The following CDC16 variants were observed in gnomAD, a reference collection of about 807,000 sequenced individuals.
CDC16 encodes the protein cell division cycle protein 16 homolog.
A neutral mutation model predicts 87.0 loss-of-function variants in CDC16; 34 were observed. The ratio of observed to expected loss-of-function variants is 0.39; its 90% CI spans 0.30 to 0.52. CDC16 has a LOEUF of 0.52. CDC16 is among the 20% of genes least tolerant of loss of function. The pLI, the probability that CDC16 is intolerant of heterozygous loss-of-function variation, is 0.74. For synonymous variants in CDC16, 263 were observed against 260.6 expected, an observed-to-expected ratio of 1.01 and a Z score of -0.09; for missense variants, 653 against 751.9, an observed-to-expected ratio of 0.87 and a Z score of 1.54.
At chr13:114,254,228 T>G (rs1429450851) in intron 12 of CDC16, among the ~76,000 whole-genome samples, 1 of 152,248 alleles carries the variant, frequency 6.6e-6, no homozygotes, top group Non-Finnish European at 1.5e-5. Context: ...TAGATCCATT[T>G]ATGTTTAATT....
chr13:114,239,527 C>G (rs375951937), intron 5 of CDC16, 37 bp downstream of exon 5: 2 of 1,482,862 alleles, frequency 1.3e-6, no homozygotes, highest in East Asian at 2.3e-5. Flanking sequence ...GTAACGGCGG[C>G]GAGAATTGCC....
chr13:114,243,191 A>T, intron 6 of CDC16, 66 bp from the exon 7 acceptor site: 1 of 770,986 alleles, frequency 1.3e-6, no homozygotes. Flanking sequence ...TCATATTTTT[A>T]GTTGTTGGCT....
rs767723335 is a variant in CDC16 at position 114,257,166 on chromosome 13, A to G, written c.1186A>G (p.Ser396Gly). The G allele has an allele frequency of 4.3e-6, 7 of 1,613,506 alleles. No homozygotes were observed. Among genetic ancestry groups the G allele is most frequent in the Admixed American group, 1.7e-5 (1 of 59,976 alleles). ...LAERFFSQALSIAPEDPFVMH... is the reference protein window; with the variant it reads ...LAERFFSQALGIAPEDPFVMH... ...TGAAAGGTTCTTCAGCCAAGCTCTG[A>G]GCATTGCACCGGAAGACCCTTTTGT... The change falls in exon 13 of 18, where the codon AGC becomes GGC. Residue 396 changes from serine to glycine, a missense_variant. Coordinates refer to ENST00000356221, the MANE Select transcript of CDC16 (RefSeq NM_001078645.3).
intron 13 of CDC16, among the ~76,000 whole-genome samples, chr13:114,258,678 A>G (rs2082654703): frequency 6.6e-6 from 1 of 152,202 alleles, no homozygotes; most frequent in African/African-American, 2.4e-5. Flanking sequence ...AACACACATA[A>G]AACAAGGTTA....
chr13:114,236,309 C>G (rs1211549978), intron 1 of CDC16, among the ~76,000 whole-genome samples: 1 of 152,198 alleles, frequency 6.6e-6, no homozygotes, highest in East Asian at 1.9e-4. Context: ...TTATATAAAT[C>G]ACACATGAAT....
chr13:114,237,161 T>C (rs765009415), intron 3 of CDC16, among the ~76,000 whole-genome samples: 11 of 151,510 alleles, frequency 7.3e-5, no homozygotes, highest in Non-Finnish European at 1.5e-4. Context: ...GAGGTGGAGG[T>C]TGCAGTGAGC....
chr13:114,249,566 A>ATGT (rs1168822929), intron 11 of CDC16, among the ~76,000 whole-genome samples: 1 of 152,142 alleles, frequency 6.6e-6, no homozygotes, highest in Non-Finnish European at 1.5e-5. Context: ...GTTTTGTGAT[A>ATGT]TGTTCTCTTT....
chr13:114,255,604 C>A (rs995243703), intron 12 of CDC16, among the ~76,000 whole-genome samples: 1 of 151,330 alleles, frequency 6.6e-6, no homozygotes, highest in Non-Finnish European at 1.5e-5. Context: ...AAAAAAAAAA[C>A]CTGAAATCCC....
At chr13:114,243,178 G>C (rs2081646657) in intron 6 of CDC16, 79 bp from the exon 7 acceptor site, 1 of 743,982 alleles carries the variant, frequency 1.3e-6, no homozygotes, top group African/African-American at 1.8e-5. Context: ...AAGAACTGTA[G>C]AATCATATTT....
intron 3 of CDC16, 83 bp from the exon 4 acceptor site, chr13:114,238,907 C>G: frequency 6.8e-7 from 1 of 1,473,502 alleles, no homozygotes; most frequent in Non-Finnish European, 9.1e-7. Flanking sequence ...GAAATTAGTT[C>G]TATTTTATGC....
chr13:114,237,037 C>T, intron 3 of CDC16, 141 bp downstream of exon 3: 1 of 500,280 alleles, frequency 2.0e-6, no homozygotes, highest in South Asian at 3.6e-5. Context: ...AGCTCAAGAC[C>T]AAGATGGTGA....
intron 14 of CDC16, among the ~76,000 whole-genome samples, chr13:114,260,198 T>A (rs2082752170): frequency 6.6e-6 from 1 of 152,210 alleles, no homozygotes; most frequent in Non-Finnish European, 1.5e-5. Flanking sequence ...CAGCTTTGCC[T>A]CCCTGCCAAG....
chr13:114,255,703 C>T (rs748678177), intron 12 of CDC16, among the ~76,000 whole-genome samples: 11 of 152,176 alleles, frequency 7.2e-5, no homozygotes, highest in Admixed American at 1.3e-4. Flanking sequence ...AGTGCAGTGG[C>T]ACCATCACAG....
At chr13:114,272,120 T>G in intron 17 of CDC16, 64 bp from the exon 18 acceptor site, 1 of 928,824 alleles carries the variant, frequency 1.1e-6, no homozygotes, top group South Asian at 1.8e-5. Context: ...TGGTGTTATA[T>G]AACAATAGAA....
At chr13:114,239,992 C>T (rs1321654678) in intron 5 of CDC16, among the ~76,000 whole-genome samples, 1 of 149,724 alleles carries the variant, frequency 6.7e-6, no homozygotes, top group Non-Finnish European at 1.5e-5. Context: ...GTGACATTTA[C>T]AGATCACTAA....
In CDC16 at chr13:114,257,160, G is replaced by A. The variant is rs1374135881; in HGVS notation, c.1180G>A (p.Ala394Thr). The change falls in exon 13 of 18, where the codon GCT becomes ACT. Residue 394 changes from alanine (A) to threonine (T), a missense_variant. Transcript: ENST00000356221. ...SKLAERFFSQ[A>T]LSIAPEDPFV... ...ACTAGCTGAAAGGTTCTTCAGCCAA[G>A]CTCTGAGCATTGCACCGGAAGACCC... 3.7e-6 allele frequency: 6 copies of A among 1,613,434 alleles called. No individual in the cohort carries two copies. The South Asian group carries it at 6.6e-5, about 18-fold the overall frequency.
At chr13:114,257,850 A>AT (rs1030822123) in intron 13 of CDC16, among the ~76,000 whole-genome samples, 2 of 151,880 alleles carry the variant, frequency 1.3e-5, no homozygotes, top group Non-Finnish European at 2.9e-5. Context: ...GCAGTGGCGC[A>AT]TTTTCAGCTC....
At chr13:114,264,889 T>C (rs2083100181) in intron 16 of CDC16, 1 of 334,528 alleles carries the variant, frequency 3.0e-6, no homozygotes, top group Admixed American at 3.9e-5. Flanking sequence ...ATTACAGGCA[T>C]GAGCCACTGC....
chr13:114,248,665 A>G (rs1209594865), intron 11 of CDC16, among the ~76,000 whole-genome samples: 1 of 151,708 alleles, frequency 6.6e-6, no homozygotes, highest in Non-Finnish European at 1.5e-5. Flanking sequence ...TCGCCGACAG[A>G]GTGAGACTCT....
Sources: allele counts gnomAD v4.1 joint callset (sites outside exome capture counted in the v4.1 genomes callset), GRCh38; gene constraint gnomAD v4.1.1; transcripts MANE v1.5; gene names NCBI Gene and HGNC (gene_info 2026-07-23, HGNC 2026-07-21).